Variants in STX1A observed in about 807,000 individuals in gnomAD.
STX1A encodes syntaxin-1A.
Under a neutral mutation model 37.8 loss-of-function variants are expected in STX1A, and 4 were observed. The observed-to-expected ratio is 0.11, with a 90% confidence interval of 0.05 to 0.24. The LOEUF is 0.24. Among genes scored for constraint, STX1A ranks in the 10% least tolerant of loss-of-function variants. STX1A has a pLI of 1.00. For synonymous variants in STX1A, 135 were observed against 147.4 expected (o/e 0.92, Z 0.61); for missense variants, 251 against 399.9 (o/e 0.63, Z 3.18).
At position 73,700,526 on chromosome 7, in the gene STX1A, C is replaced by T. The variant is rs563724477; in HGVS notation, c.790-42G>A. ...CAGGAGAGGCCTCAGACAGTGTTGG[C>T]GGCAGGTGGGGTGGGACTATGGCAA... On this transcript the variant is annotated intron_variant, in intron 9 of 9. Transcript: ENST00000222812. The surrounding 1 kb of genome is among the most constrained non-coding windows in gnomAD (Gnocchi z 4.4). The T allele has an allele frequency of 4.5e-5, 73 of 1,605,776 alleles. No individual in the cohort carries two copies. The highest frequency in any genetic ancestry group is 4.1e-4 in the South Asian group (37 of 90,290).
chr7:73,704,527 T>TG lies in STX1A; in HGVS notation c.284-105dup, dbSNP rs1255775497. ...ACCTTCCCACATCCCCTAGGGTATG[T>TG]GTGTGGCCTGTGGCTGGTGGGATCA... On this transcript the variant is annotated intron_variant, in intron 4 of 9. Coordinates refer to ENST00000222812, the MANE Select transcript of STX1A (RefSeq NM_004603.4). 152 of 1,423,320 alleles carry TG rather than the reference T, an allele frequency of 1.1e-4. 1 individual carries two copies. The African/African-American group carries it at 1.9e-3, about 18-fold the overall frequency. 88.2% of individuals were successfully genotyped at this position (1,423,320 alleles called of 1,614,324 possible). A position where few individuals can be genotyped will look rare whatever the true frequency, so the allele number is the denominator to read the frequency against.
Position 73,700,289 on chromosome 7 carries a change from G to A in STX1A, c.*118C>T, listed in dbSNP as rs1798600703. The A allele has an allele frequency of 8.6e-6, 8 of 930,344 alleles. No individual in the cohort carries two copies. Among genetic ancestry groups the A allele is most frequent in the South Asian group, 4.5e-5 (3 of 66,950 alleles). The allele number at this position is 930,344 out of a possible 1,614,324, so 57.6% of individuals were successfully genotyped here. The stretch of plus-strand genomic sequence containing the variant: ...TGGCAGAGAAGGGAGCATGGGGGCC[G>A]GGAGGGAGGGTGCTCTGAGCCAGAG... On this transcript the variant is annotated 3_prime_UTR_variant, in exon 10 of 10. Transcript: ENST00000222812. The surrounding 1 kb of genome is among the most constrained non-coding windows in gnomAD (Gnocchi z 4.4).
rs782021528 is a variant in STX1A, at chr7:73,700,356, G to A, written c.*51C>T. ...CAGCCCAGCCAGGTGGCAGCAGCCAGGGCCTCCTTGGAGTGGCCCACCTGG... is the reference window on the plus strand; with the variant it reads ...CAGCCCAGCCAGGTGGCAGCAGCCAAGGCCTCCTTGGAGTGGCCCACCTGG... On this transcript the variant is annotated 3_prime_UTR_variant, in exon 10 of 10. Coordinates refer to ENST00000222812, the MANE Select transcript of STX1A (RefSeq NM_004603.4). The surrounding 1 kb of genome is among the most constrained non-coding windows in gnomAD (Gnocchi z 4.4). 15 of 1,594,082 alleles carry A rather than the reference G, an allele frequency of 9.4e-6. No individual in the cohort carries two copies. In the South Asian group the frequency reaches 1.7e-4, roughly 18 times the overall value.
intron 3 of STX1A, among the ~76,000 whole-genome samples, chr7:73,707,984 G>A (rs1466723247): frequency 6.6e-6 from 1 of 150,570 alleles, no homozygotes; most frequent in African/African-American, 2.4e-5. Context: ...AAGCCAGTTC[G>A]GCTGGGCGCG....
intron 1 of STX1A, chr7:73,716,730 A>G (rs1361699515): frequency 6.6e-6 from 1 of 152,348 alleles, no homozygotes; most frequent in Non-Finnish European, 1.5e-5. Flanking sequence ...TCTGTCCCAC[A>G]TGACCTGGCA....
chr7:73,708,900 C>T, intron 2 of STX1A, 145 bp downstream of exon 2: 1 of 980,260 alleles, frequency 1.0e-6, no homozygotes, highest in Non-Finnish European at 1.6e-6. Context: ...TCCATCTATT[C>T]ACCCTCAAAA....
At position 73,717,208 on chromosome 7, in the gene STX1A, G is replaced by A. The variant is rs1554618809; in HGVS notation, c.30+2394C>T. ...GGAGAAGGAGAAAGAAGAGGGAGGA[G>A]GAGGAGGAAGAGGGAGGGAGGGAGG... On this transcript the variant is annotated intron_variant, in intron 1 of 9. Transcript: ENST00000222812. The surrounding 1 kb of genome is among the most constrained non-coding windows in gnomAD (Gnocchi z 4.1). 1.3e-5 allele frequency among the ~76,000 whole-genome samples: 2 copies of A among 151,526 alleles called. No homozygotes were observed.
intron 1 of STX1A, among the ~76,000 whole-genome samples, 180 bp downstream of exon 1, chr7:73,719,422 T>C (rs1052627996): frequency 6.6e-5 from 10 of 152,024 alleles, no homozygotes; most frequent in Non-Finnish European, 1.2e-4. Flanking sequence ...TGACCCCGAG[T>C]GGGTCCGAGG....
At chr7:73,718,249 GGGCGCTC>G (rs1799360637) in intron 1 of STX1A, among the ~76,000 whole-genome samples, 1 of 152,172 alleles carries the variant, frequency 6.6e-6, no homozygotes, top group Admixed American at 6.5e-5. Flanking sequence ...ACCAGGGGCT[GGGCGCTC>G]GGCCAGGAAT....
chr7:73,701,112 C>G lies in STX1A; in HGVS notation c.679-272G>C, dbSNP rs1282735332. 6.5e-6 allele frequency: 4 copies of G among 619,380 alleles called. No homozygotes were observed. The Admixed American group carries it at 8.8e-5, about 14-fold the overall frequency. The allele number at this position is 619,380 out of a possible 1,614,324, so 38.4% of individuals were successfully genotyped here. On this transcript the variant is annotated intron_variant, in intron 8 of 9. Coordinates refer to ENST00000222812, the MANE Select transcript of STX1A (RefSeq NM_004603.4). ...TCTCAGCTGAGGGTTGGGGACCATG[C>G]AGAGAACACTGTCAGAGATGTGGCA...
chr7:73,702,686 C>G lies in STX1A; in HGVS notation c.678+159G>C, dbSNP rs1554616057. 1 of 1,492,390 alleles carries G rather than the reference C, an allele frequency of 6.7e-7. No individual in the cohort carries two copies. The highest frequency in any genetic ancestry group is 2.4e-5 in the East Asian group (1 of 41,138). 92.4% of individuals were successfully genotyped at this position (1,492,390 alleles called of 1,614,324 possible). A position where few individuals can be genotyped will look rare whatever the true frequency, so the allele number is the denominator to read the frequency against. Reference sequence around the variant, plus strand: ...ATGCAGAGGACAGGGACCTTCGGGTCGGCAGGGCCCTGGCGGCAGTTTCAA... The same window carrying G: ...ATGCAGAGGACAGGGACCTTCGGGTGGGCAGGGCCCTGGCGGCAGTTTCAA... On this transcript the variant is annotated intron_variant, in intron 8 of 9. Coordinates refer to ENST00000222812, the MANE Select transcript of STX1A (RefSeq NM_004603.4). This position sits in a 1 kb window ranked among gnomAD's most constrained non-coding sequence, Gnocchi z 4.7.
chr7:73,700,871 G>C lies in STX1A; in HGVS notation c.679-31C>G. 6.2e-7 allele frequency: 1 copy of C among 1,610,238 alleles called. No homozygotes were observed. Among genetic ancestry groups the C allele is most frequent in the Non-Finnish European group, 8.5e-7 (1 of 1,179,668 alleles). On this transcript the variant is annotated intron_variant, in intron 8 of 9. Transcript: ENST00000222812. The surrounding 1 kb of genome is among the most constrained non-coding windows in gnomAD (Gnocchi z 4.4). Reference sequence around the variant, plus strand: ...GGGCCGGGGGCACCCGAGCTCCAGAGGGCCCCCTCCTCAGGGTTGGGTTGG... The same window carrying C: ...GGGCCGGGGGCACCCGAGCTCCAGACGGCCCCCTCCTCAGGGTTGGGTTGG...
At chr7:73,708,471 A>C in intron 3 of STX1A, 118 bp downstream of exon 3, 6 of 945,154 alleles carry the variant, frequency 6.3e-6, no homozygotes, top group African/African-American at 1.6e-5. Context: ...TGGCCCGCCC[A>C]GACACTCCTA....
chr7:73,700,829 A>G lies in STX1A; in HGVS notation c.690T>C (p.Ile230=), dbSNP rs782466829. The G allele has an allele frequency of 1.2e-6, 2 of 1,613,610 alleles. No individual in the cohort carries two copies. The highest frequency in any genetic ancestry group is 3.3e-5 in the Admixed American group (2 of 60,022). The part of the protein sequence containing the change: ...AMLVESQGEM[I]DRIEYNVEHA... ...GTTCCACATTGTACTCGATCCTGTC[A>G]ATCATCTCTCCCTGCGGGGCCGGGG... The change falls in exon 9 of 10, where the codon ATT becomes ATC. Residue 230 remains isoleucine, a synonymous_variant. Transcript: ENST00000222812. This position sits in a 1 kb window ranked among gnomAD's most constrained non-coding sequence, Gnocchi z 4.4.
Position 73,709,207 on chromosome 7 carries a change from C to T in STX1A, c.31-85G>A. ...AGGTGCCCAGGGTACAGCGCCAGGG[C>T]CCTGCCCCTCCCCCTCTCCCTGGGG... On this transcript the variant is annotated intron_variant, in intron 1 of 9. Coordinates refer to ENST00000222812, the MANE Select transcript of STX1A (RefSeq NM_004603.4). This position sits in a 1 kb window ranked among gnomAD's most constrained non-coding sequence, Gnocchi z 4.2. 1.5e-6 allele frequency: 2 copies of T among 1,376,664 alleles called. No individual in the cohort carries two copies. The highest frequency in any genetic ancestry group is 2.0e-4 in the Middle Eastern group (1 of 5,102). 85.3% of individuals were successfully genotyped at this position (1,376,664 alleles called of 1,614,324 possible). A position where few individuals can be genotyped will look rare whatever the true frequency, so the allele number is the denominator to read the frequency against.
intron 1 of STX1A, among the ~76,000 whole-genome samples, chr7:73,711,020 G>A (rs991105481): frequency 5.9e-5 from 9 of 152,028 alleles, no homozygotes; most frequent in Admixed American, 2.0e-4. Context: ...ACAGGGTCTC[G>A]CTCTGTCACC....
At chr7:73,703,028 GCAGGGCAGAGGGCCGAGGGGGAGGGC>G in intron 7 of STX1A, 46 bp from the exon 8 acceptor site, 1 of 1,462,600 alleles carries the variant, frequency 6.8e-7, no homozygotes, top group African/African-American at 1.4e-5. Flanking sequence ...TTGCTGAGGG[GCAGGGCAGAGGGCCGAGGGGGAGGGC>G]GTTTGGGGTG....
Position 73,702,519 on chromosome 7 carries a change from T to A in STX1A, c.678+326A>T. 1 of 592,842 alleles carries A rather than the reference T, an allele frequency of 1.7e-6. No individual in the cohort carries two copies. The highest frequency in any genetic ancestry group is 2.8e-6 in the Non-Finnish European group (1 of 361,386). The allele number at this position is 592,842 out of a possible 1,614,324, so 36.7% of individuals were successfully genotyped here. On this transcript the variant is annotated intron_variant, in intron 8 of 9. Transcript: ENST00000222812. This position sits in a 1 kb window ranked among gnomAD's most constrained non-coding sequence, Gnocchi z 4.7. The stretch of plus-strand genomic sequence containing the variant: ...GAAGCAGGTCCCTGAGCTGTCCTGG[T>A]CACTGCTATGCCTTCAGTCTCTGGG...
chr7:73,709,251 G>T lies in STX1A; in HGVS notation c.31-129C>A. On this transcript the variant is annotated intron_variant, in intron 1 of 9. Transcript: ENST00000222812. The surrounding 1 kb of genome is among the most constrained non-coding windows in gnomAD (Gnocchi z 4.2). ...CCTGGGGGCCTCTGGGCAGGGACAA[G>T]AACAGGCCTGGCTGTTCCGCTCCCA... is the stretch of plus-strand genomic sequence containing the variant. 1 of 870,224 alleles carries T rather than the reference G, an allele frequency of 1.1e-6. No individual in the cohort carries two copies. Among genetic ancestry groups the T allele is most frequent in the Non-Finnish European group, 1.8e-6 (1 of 553,488 alleles). 53.9% of individuals were successfully genotyped at this position (870,224 alleles called of 1,614,324 possible).
Sources: allele counts gnomAD v4.1 joint callset (sites outside exome capture counted in the v4.1 genomes callset), GRCh38; gene constraint gnomAD v4.1.1; non-coding constraint Gnocchi (gnomAD v3.1); transcripts MANE v1.5; gene names NCBI Gene and HGNC (gene_info 2026-07-23, HGNC 2026-07-21).